Variants in PTPN2 observed in about 807,000 individuals in gnomAD.
The protein encoded by PTPN2 is protein tyrosine phosphatase non-receptor type 2.
In PTPN2, 19 loss-of-function variants were observed where a neutral mutation model predicts 57.3. That is an observed-to-expected ratio of 0.33 (90% confidence interval 0.23 to 0.49). The LOEUF is 0.49. PTPN2 is among the 20% of genes least tolerant of loss of function. The probability of loss-of-function intolerance (pLI) is 0.99; values close to 1 mark genes in which losing one functional copy is unlikely to be tolerated. For synonymous variants in PTPN2, 153 were observed against 164.9 expected (o/e 0.93, Z 0.55); for missense variants, 358 against 501.1 (o/e 0.71, Z 2.73).
chr18:12,831,089 A>G (rs757499109), intron 3 of PTPN2, 48 bp from the exon 4 acceptor site: 4 of 1,370,288 alleles, frequency 2.9e-6, no homozygotes, highest in Non-Finnish European at 4.2e-6. Flanking sequence ...AGACAGAAAG[A>G]GCAAGGCTCC....
At chr18:12,819,092 C>T (rs2042181565) in intron 5 of PTPN2, 7 of 386,408 alleles carry the variant, frequency 1.8e-5, no homozygotes, top group East Asian at 4.3e-5. Context: ...GAAACTCCAT[C>T]TCAAAAAAAA....
chr18:12,878,324 A>G lies in PTPN2; in HGVS notation c.69+5749T>C, dbSNP rs552964981. On this transcript the variant is annotated intron_variant, in intron 1 of 8. Coordinates refer to ENST00000309660, the MANE Select transcript of PTPN2 (RefSeq NM_002828.4). ...AAAGTGAGACCCAGTCTCAAAAAGA[A>G]AAGAAAGAAAAAGAAAAAAAAAGAA... Among the ~76,000 whole-genome samples, 79 of 151,426 alleles carry G rather than the reference A, an allele frequency of 5.2e-4. 3 individuals are homozygous for G. In the South Asian group the frequency reaches 0.015, roughly 28 times the overall value.
At position 12,794,158 on chromosome 18, in the gene PTPN2, T is replaced by G; in HGVS notation, c.*120A>C. 1 of 1,501,488 alleles carries G rather than the reference T, an allele frequency of 6.7e-7. No homozygotes were observed. Among genetic ancestry groups the G allele is most frequent in the Non-Finnish European group, 8.8e-7 (1 of 1,131,030 alleles). The allele number at this position is 1,501,488 out of a possible 1,614,324, so 93.0% of individuals were successfully genotyped here. ...GTGACTGTAAATATCACTTATCTGG[T>G]TGATGTCTATTCTACTGCACCGTTT... is the stretch of plus-strand genomic sequence containing the variant. On this transcript the variant is annotated 3_prime_UTR_variant, in exon 9 of 9. Coordinates refer to ENST00000309660, the MANE Select transcript of PTPN2 (RefSeq NM_002828.4).
chr18:12,852,112 A>T (rs770697715), intron 2 of PTPN2, among the ~76,000 whole-genome samples: 2 of 151,938 alleles, frequency 1.3e-5, no homozygotes, highest in Non-Finnish European at 2.9e-5. Context: ...AAGTTCCAGA[A>T]ATCTATTGTA....
Position 12,817,217 on chromosome 18 carries a change from T to A in PTPN2, c.644A>T (p.His215Leu). Residue 215 changes from histidine (H) to leucine (L), a missense_variant, in exon 6 of 9, where the codon CAC (histidine) becomes CTC (leucine). This residue lies in a region of PTPN2 where 193 missense variants were observed against 315.4 expected (regional missense o/e 0.61). Transcript: ENST00000309660. ...LNPDHGPAVIHCSAGIGRSGT... is the reference protein window; with the variant it reads ...LNPDHGPAVILCSAGIGRSGT... The stretch of plus-strand genomic sequence containing the variant: ...AGAGCGCCCAATGCCTGCACTACAG[T>A]GGATCACCGCAGGCCCATGGTCAGG... 1.2e-6 allele frequency: 2 copies of A among 1,614,026 alleles called. No individual in the cohort carries two copies. Among genetic ancestry groups the A allele is most frequent in the Non-Finnish European group, 1.7e-6 (2 of 1,179,988 alleles).
At chr18:12,827,448 G>T (rs1474563290) in intron 4 of PTPN2, among the ~76,000 whole-genome samples, 3 of 151,082 alleles carry the variant, frequency 2.0e-5, no homozygotes, top group Non-Finnish European at 4.4e-5. Flanking sequence ...CCAGGCTGGA[G>T]TGCACTGGGG....
chr18:12,832,707 T>C (rs1218422577), intron 3 of PTPN2, among the ~76,000 whole-genome samples: 1 of 152,168 alleles, frequency 6.6e-6, no homozygotes, highest in East Asian at 1.9e-4. Flanking sequence ...AAAATGGATG[T>C]AGCAATTTGC....
At chr18:12,798,507 A>G (rs1017342113) in intron 8 of PTPN2, among the ~76,000 whole-genome samples, 4 of 152,032 alleles carry the variant, frequency 2.6e-5, no homozygotes, top group Non-Finnish European at 4.4e-5. Context: ...AACATGGGGT[A>G]TTTGGTTTTC....
At chr18:12,801,774 GC>G in intron 8 of PTPN2, 195 bp downstream of exon 8, 1 of 574,386 alleles carries the variant, frequency 1.7e-6, no homozygotes, top group Admixed American at 2.7e-5. Context: ...TCACTATGTT[GC>G]CCAGGCTGGT....
chr18:12,840,976 T>C (rs2043025217), intron 2 of PTPN2: 8 of 1,442,848 alleles, frequency 5.5e-6, no homozygotes, highest in Non-Finnish European at 6.4e-6. Context: ...TCAGCAATCA[T>C]ACACAATTTT....
intron 6 of PTPN2, among the ~76,000 whole-genome samples, chr18:12,815,174 G>A (rs895625499): frequency 3.0e-4 from 45 of 151,876 alleles, no homozygotes; most frequent in African/African-American, 1.1e-3. Flanking sequence ...AGCACTTTGG[G>A]AGGCCAAGGT....
In PTPN2 at chr18:12,785,664, C is replaced by T. The variant is rs191043282; in HGVS notation, c.*159G>A. 1.2e-5 allele frequency: 8 copies of T among 690,568 alleles called. No individual in the cohort carries two copies. The Admixed American group carries it at 1.6e-4, about 14-fold the overall frequency. 42.8% of individuals were successfully genotyped at this position (690,568 alleles called of 1,614,324 possible). ...AAGTCTTCTGCTGGTGGGTGCTCTTCATCCCCTGGATGTAAAGTTTACTTT... is the reference window on the plus strand; with the variant it reads ...AAGTCTTCTGCTGGTGGGTGCTCTTTATCCCCTGGATGTAAAGTTTACTTT... On this transcript the variant is annotated 3_prime_UTR_variant, in exon 10 of 10. Coordinates refer to the PTPN2 transcript ENST00000327283.
At position 12,805,421 on chromosome 18, in the gene PTPN2, C is replaced by T. The variant is rs377523170; in HGVS notation, c.859-3270G>A. On this transcript the variant is annotated intron_variant, in intron 7 of 8. Transcript: ENST00000309660. ...GCAGTGAGCCGAGATTGCACCACTG[C>T]ACTCCAGCCTGGGCAACAGAGCAAG... 2.0e-5 allele frequency among the ~76,000 whole-genome samples: 3 copies of T among 150,634 alleles called. No individual in the cohort carries two copies. The East Asian group carries it at 6.0e-4, about 30-fold the overall frequency.
chr18:12,872,398 T>C (rs951904043), intron 1 of PTPN2: 1 of 152,166 alleles, frequency 6.6e-6, no homozygotes, highest in African/African-American at 2.4e-5. Flanking sequence ...TTATAAATGA[T>C]CAGTGACACG....
downstream of PTPN2, among the ~76,000 whole-genome samples, chr18:12,788,750 C>T (rs1185943873): frequency 6.6e-6 from 1 of 152,030 alleles, no homozygotes; most frequent in Non-Finnish European, 1.5e-5. Context: ...GAAAAATGCT[C>T]CCTTCCCTGA....
intron 1 of PTPN2, among the ~76,000 whole-genome samples, chr18:12,870,299 G>GTA (rs2044157295): frequency 2.3e-5 from 1 of 42,826 alleles, no homozygotes. Flanking sequence ...ACATATATAT[G>GTA]TGTATATATA....
At chr18:12,816,932 C>A (rs1254871162) in intron 6 of PTPN2, among the ~76,000 whole-genome samples, 1 of 151,998 alleles carries the variant, frequency 6.6e-6, no homozygotes, top group African/African-American at 2.4e-5. Flanking sequence ...AAGAAAAACA[C>A]CTTCTTAGGG....
intron 2 of PTPN2, among the ~76,000 whole-genome samples, chr18:12,842,647 T>C (rs990299573): frequency 4.6e-5 from 7 of 152,174 alleles, no homozygotes; most frequent in African/African-American, 1.4e-4. Flanking sequence ...ACATGAAGAA[T>C]GTGGCTGGAG....
chr18:12,811,862 C>G (rs1408453910), intron 7 of PTPN2, among the ~76,000 whole-genome samples: 1 of 146,678 alleles, frequency 6.8e-6, no homozygotes, highest in East Asian at 1.9e-4. Flanking sequence ...GCTCACGTTG[C>G]ACCAACCCAT....
Sources: allele counts gnomAD v4.1 joint callset (sites outside exome capture counted in the v4.1 genomes callset), GRCh38; gene constraint gnomAD v4.1.1; regional missense constraint gnomAD v4.1.1; transcripts MANE v1.5; gene names NCBI Gene and HGNC (gene_info 2026-07-23, HGNC 2026-07-21).